Variants in KCNMA1 observed in about 807,000 individuals in gnomAD.
KCNMA1 encodes the protein potassium calcium-activated channel subfamily M alpha 1.
In KCNMA1, 29 loss-of-function variants were observed where a neutral mutation model predicts 140.0. That is an observed-to-expected ratio of 0.21 (90% CI 0.15 to 0.28). The LOEUF (loss-of-function observed/expected upper bound fraction) is 0.28. Among genes scored for constraint, KCNMA1 ranks in the 10% least tolerant of loss-of-function variants. The pLI, the probability that KCNMA1 is intolerant of heterozygous loss-of-function variation, is 1.00. For synonymous variants in KCNMA1, 612 were observed against 611.9 expected (o/e 1.00, Z 0.00); for missense variants, 880 against 1,602.2 (o/e 0.55, Z 7.70).
chr10:77,532,039 CA>C (rs1242276752), intron 1 of KCNMA1, among the ~76,000 whole-genome samples: 3 of 152,172 alleles, frequency 2.0e-5, no homozygotes, highest in Non-Finnish European at 4.4e-5. Flanking sequence ...TCAACAACAA[CA>C]AAGAAAAATG....
chr10:76,991,868 T>A (rs578246464), intron 19 of KCNMA1, among the ~76,000 whole-genome samples: 1 of 152,106 alleles, frequency 6.6e-6, no homozygotes, highest in Non-Finnish European at 1.5e-5. Flanking sequence ...AGCAGTCAGC[T>A]CCCTTCCCAG....
chr10:76,967,727 C>G (rs563105863), intron 20 of KCNMA1, among the ~76,000 whole-genome samples: 1 of 152,108 alleles, frequency 6.6e-6, no homozygotes, highest in Non-Finnish European at 1.5e-5. Context: ...GACATCCCAG[C>G]GACAGGAACT....
At chr10:76,932,358 A>G (rs964791372) in intron 23 of KCNMA1, among the ~76,000 whole-genome samples, 1 of 152,192 alleles carries the variant, frequency 6.6e-6, no homozygotes, top group Non-Finnish European at 1.5e-5. Flanking sequence ...TCTCATAGTC[A>G]TTTGATAAGC....
At chr10:77,232,886 ATTTT>A (rs33988327) in intron 3 of KCNMA1, among the ~76,000 whole-genome samples, 88 of 132,720 alleles carry the variant, frequency 6.6e-4, no homozygotes, top group Admixed American at 2.5e-3. Flanking sequence ...TCCCAGCACC[ATTTT>A]TTTTTTTTTT....
chr10:77,361,612 C>A (rs1053614358), intron 2 of KCNMA1, among the ~76,000 whole-genome samples: 8 of 152,248 alleles, frequency 5.3e-5, no homozygotes, highest in African/African-American at 1.7e-4. Context: ...TGCTCTGACA[C>A]CTCCCACTCC....
chr10:77,545,168 A>G (rs1824914786), intron 1 of KCNMA1, among the ~76,000 whole-genome samples: 1 of 152,124 alleles, frequency 6.6e-6, no homozygotes, highest in Non-Finnish European at 1.5e-5. Flanking sequence ...CCTCCGGAAA[A>G]TCTCCTAAGA....
At chr10:77,302,946 T>C (rs185775302) in intron 2 of KCNMA1, among the ~76,000 whole-genome samples, 1 of 151,118 alleles carries the variant, frequency 6.6e-6, no homozygotes, top group Admixed American at 6.6e-5. Context: ...CAGGGGGGGG[T>C]TTCACTGGGG....
At chr10:77,584,400 G>A (rs2076675047) in intron 1 of KCNMA1, among the ~76,000 whole-genome samples, 2 of 152,180 alleles carry the variant, frequency 1.3e-5, no homozygotes, top group East Asian at 3.9e-4. Flanking sequence ...CTGTTGCCAG[G>A]CTGGAGTGCA....
At chr10:77,360,532 G>C (rs572889371) in intron 2 of KCNMA1, among the ~76,000 whole-genome samples, 1 of 152,308 alleles carries the variant, frequency 6.6e-6, no homozygotes, top group Admixed American at 6.5e-5. Flanking sequence ...CTGGACGCCT[G>C]CTGTACCAGG....
At chr10:77,079,117 A>G (rs2096487945) in intron 13 of KCNMA1, among the ~76,000 whole-genome samples, 1 of 152,158 alleles carries the variant, frequency 6.6e-6, no homozygotes, top group South Asian at 2.1e-4. Context: ...CTAAAAGTAC[A>G]AAATCAGCCT....
chr10:76,904,620 G>C (rs893399518), intron 25 of KCNMA1: 30 of 151,896 alleles, frequency 2.0e-4, no homozygotes, highest in African/African-American at 6.8e-4. Context: ...GTGTGCATTG[G>C]AACTCATTAG....
chr10:76,913,758 G>C (rs765201492), intron 24 of KCNMA1: 13 of 330,858 alleles, frequency 3.9e-5, no homozygotes, highest in Admixed American at 9.0e-5. Flanking sequence ...AAAAAAAGTG[G>C]GGAAAAAAGG....
At chr10:76,961,535 C>T (rs924288410) in intron 20 of KCNMA1, among the ~76,000 whole-genome samples, 4 of 152,186 alleles carry the variant, frequency 2.6e-5, no homozygotes, top group African/African-American at 9.7e-5. Flanking sequence ...AAAGGATTGA[C>T]TCCAATTTTG....
At chr10:77,328,985 C>A (rs192564949) in intron 2 of KCNMA1, among the ~76,000 whole-genome samples, 109 of 151,980 alleles carry the variant, frequency 7.2e-4, no homozygotes, top group Admixed American at 1.6e-3. Flanking sequence ...GGACTACAGG[C>A]GCCTGCCACC....
intron 24 of KCNMA1, chr10:76,913,856 G>A: frequency 1.8e-6 from 1 of 562,790 alleles, no homozygotes; most frequent in Non-Finnish European, 3.1e-6. Flanking sequence ...TACTGATGCT[G>A]TGTGGGGAAA....
intron 1 of KCNMA1, among the ~76,000 whole-genome samples, chr10:77,408,035 C>T (rs72807555): frequency 0.078 from 11,855 of 152,218 alleles, 776 homozygotes; most frequent in East Asian, 0.3. Flanking sequence ...TGTGTGACCA[C>T]CACCCAGGAC....
chr10:77,138,243 C>A (rs1479633314), intron 5 of KCNMA1, among the ~76,000 whole-genome samples: 1 of 152,132 alleles, frequency 6.6e-6, no homozygotes, highest in Non-Finnish European at 1.5e-5. Flanking sequence ...GACTTACTCA[C>A]TTTACCTCTT....
chr10:77,073,347 G>C, intron 13 of KCNMA1, 95 bp from the exon 14 acceptor site: 1 of 1,262,576 alleles, frequency 7.9e-7, no homozygotes, highest in South Asian at 1.3e-5. Context: ...CAACCACTCA[G>C]GGCCATCCAG....
At chr10:77,230,547 G>A (rs1250330903) in intron 3 of KCNMA1, among the ~76,000 whole-genome samples, 1 of 152,212 alleles carries the variant, frequency 6.6e-6, no homozygotes, top group Non-Finnish European at 1.5e-5. Flanking sequence ...AGGAAAATGA[G>A]CTGTCAGTCT....
Sources: gnomAD v4.1 joint callset for allele counts (sites outside exome capture counted in the v4.1 genomes callset) on GRCh38, gnomAD v4.1.1 for gene constraint, MANE v1.5 for transcripts, NCBI Gene and HGNC (gene_info 2026-07-23, HGNC 2026-07-21) for gene names.